HOXA3: variants seen among roughly 807,000 people sequenced by gnomAD.
HOXA3 encodes the protein homeobox protein Hox-A3.
Under a neutral mutation model 30.3 loss-of-function variants are expected in HOXA3, and 8 were observed. The ratio of observed to expected loss-of-function variants is 0.26; its 90% CI spans 0.15 to 0.48. The LOEUF (loss-of-function observed/expected upper bound fraction) is 0.48. HOXA3 is among the 20% of genes least tolerant of loss of function. The pLI, the probability that HOXA3 is intolerant of heterozygous loss-of-function variation, is 0.99. For synonymous variants in HOXA3, 323 were observed against 273.1 expected (o/e 1.18, Z -1.80); for missense variants, 653 against 614.4 (o/e 1.06, Z -0.66).
intron 4 of HOXA3, among the ~76,000 whole-genome samples, chr7:27,111,485 CGT>C (rs61655486): frequency 0.3 from 44,438 of 148,760 alleles, 7,781 homozygotes; most frequent in Middle Eastern, 0.47. Flanking sequence ...GAACACATTG[CGT>C]GTGTGTGTGT....
intron 2 of HOXA3, among the ~76,000 whole-genome samples, chr7:27,132,755 G>T (rs1265230822): frequency 6.6e-6 from 1 of 152,060 alleles, no homozygotes; most frequent in Admixed American, 6.5e-5. Flanking sequence ...ATACACATAG[G>T]TTATATAAAA....
At chr7:27,111,059 G>A (rs1196453755) in intron 4 of HOXA3, among the ~76,000 whole-genome samples, 1 of 152,124 alleles carries the variant, frequency 6.6e-6, no homozygotes, top group African/African-American at 2.4e-5. Context: ...TGATAGGCTA[G>A]AAAGGAAAAA....
intron 4 of HOXA3, 23 bp from the exon 5 acceptor site, chr7:27,110,783 G>A (rs938302915): frequency 1.2e-5 from 15 of 1,251,398 alleles, no homozygotes; most frequent in Non-Finnish European, 1.7e-5. Context: ...GAAGCGCAGC[G>A]CGGTGAGGGC....
intron 1 of HOXA3, chr7:27,141,463 AAAC>A (rs1479694668): frequency 4.9e-6 from 1 of 204,128 alleles, no homozygotes; most frequent in African/African-American, 2.4e-5. Flanking sequence ...ATGCACAGTT[AAAC>A]AACTTGAGTG....
intron 2 of HOXA3, chr7:27,129,428 A>T (rs200623719): frequency 2.5e-4 from 409 of 1,614,024 alleles, no homozygotes; most frequent in Non-Finnish European, 3.3e-4. Flanking sequence ...CGCTCAGACA[A>T]ACAGAGCGTG....
chr7:27,107,849 A>G lies in HOXA3; in HGVS notation c.*66T>C. The G allele has an allele frequency of 1.8e-6, 2 of 1,126,486 alleles. No individual in the cohort carries two copies. The highest frequency in any genetic ancestry group is 2.4e-6 in the Non-Finnish European group (2 of 822,848). The allele number at this position is 1,126,486 out of a possible 1,614,324, so 69.8% of individuals were successfully genotyped here. A position where few individuals can be genotyped will look rare whatever the true frequency, so the allele number is the denominator to read the frequency against. On this transcript the variant is annotated 3_prime_UTR_variant, in exon 6 of 6. Coordinates refer to ENST00000612286, the MANE Select transcript of HOXA3 (RefSeq NM_153631.3). ...GAAGAACCTAAAAAAAAAAAAAAAAAAAAGCAACCAAAGAAAAAAGGTGGG... is the reference window on the plus strand; with the variant it reads ...GAAGAACCTAAAAAAAAAAAAAAAAGAAAGCAACCAAAGAAAAAAGGTGGG...
rs1367872865 is a variant in HOXA3 at position 27,113,014 on chromosome 7, C to T, written c.-120-2254G>A. On this transcript the variant is annotated intron_variant, in intron 4 of 5. Transcript: ENST00000612286. The surrounding 1 kb of genome is among the most constrained non-coding windows in gnomAD (Gnocchi z 4.8). The stretch of plus-strand genomic sequence containing the variant: ...TTCCTATTGTTCGAGGTCAGCAGAC[C>T]ACCACCTTGGAGCTCATACATCCCC... Among the ~76,000 whole-genome samples the T allele has an allele frequency of 6.6e-6, 1 of 152,122 alleles. No homozygotes were observed. The highest frequency in any genetic ancestry group is 1.5e-5 in the Non-Finnish European group (1 of 68,026).
At chr7:27,127,233 C>T (rs544069259) in intron 2 of HOXA3, among the ~76,000 whole-genome samples, 163 bp from the exon 3 acceptor site, 123 of 152,260 alleles carry the variant, frequency 8.1e-4, no homozygotes, top group African/African-American at 2.7e-3. Context: ...TCCCTGGCAC[C>T]CGTTCACACC....
chr7:27,141,954 G>C (rs1178755278), intron 1 of HOXA3: 2 of 1,614,112 alleles, frequency 1.2e-6, no homozygotes, highest in African/African-American at 1.3e-5. Flanking sequence ...GAGAGGCAAA[G>C]AGCATGTGCT....
chr7:27,119,187 A>G (rs1784890258), intron 4 of HOXA3, among the ~76,000 whole-genome samples: 1 of 141,358 alleles, frequency 7.1e-6, no homozygotes, highest in Non-Finnish European at 1.5e-5. Context: ...AAGAAAAAGA[A>G]TCAACCTTCA....
At chr7:27,123,203 T>C (rs1785124934) in intron 3 of HOXA3, 1 of 152,304 alleles carries the variant, frequency 6.6e-6, no homozygotes, top group Admixed American at 6.5e-5. Flanking sequence ...GGAGGATTTG[T>C]GTTCTGGTTT....
chr7:27,146,427 C>T (rs905086454), intron 1 of HOXA3, among the ~76,000 whole-genome samples: 1 of 152,202 alleles, frequency 6.6e-6, no homozygotes, highest in Non-Finnish European at 1.5e-5. Context: ...TTTACACATT[C>T]TCCCAAATTA....
chr7:27,145,593 C>A, intron 1 of HOXA3: 1 of 1,552,772 alleles, frequency 6.4e-7, no homozygotes, highest in Non-Finnish European at 8.7e-7. Flanking sequence ...AGTTGGGGAA[C>A]AGGCGAGGGC....
chr7:27,142,134 G>A, intron 1 of HOXA3: 1 of 1,584,772 alleles, frequency 6.3e-7, no homozygotes, highest in Non-Finnish European at 8.6e-7. Flanking sequence ...GTCTTCCAAA[G>A]TCCGCCAGGG....
rs147820248 is a variant in HOXA3 at position 27,147,348 on chromosome 7, G to T, written c.-494+4940C>A. The T allele has an allele frequency of 1.1e-5, 17 of 1,613,992 alleles. No individual in the cohort carries two copies. The highest frequency in any genetic ancestry group is 2.2e-5 in the East Asian group (1 of 44,890). On this transcript the variant is annotated intron_variant, in intron 1 of 5. Transcript: ENST00000612286. ...TCCGCTGCATCCAAGGGTAAACCGGGCTCGTGTACTTCCGGTCGGCGCCTT... is the reference window on the plus strand; with the variant it reads ...TCCGCTGCATCCAAGGGTAAACCGGTCTCGTGTACTTCCGGTCGGCGCCTT...
chr7:27,139,321 G>A (rs1172387481), intron 2 of HOXA3, among the ~76,000 whole-genome samples: 2 of 152,056 alleles, frequency 1.3e-5, no homozygotes, highest in Admixed American at 1.3e-4. Flanking sequence ...TGCGGGGGAG[G>A]GGGTCCTGAA....
chr7:27,129,980 A>T (rs1363783401), intron 2 of HOXA3: 1 of 994,020 alleles, frequency 1.0e-6, no homozygotes, highest in South Asian at 1.5e-5. Context: ...ACATACCCAC[A>T]TCTCACCGCA....
chr7:27,122,093 G>C (rs1214024361), intron 4 of HOXA3: 1 of 152,436 alleles, frequency 6.6e-6, no homozygotes, highest in Non-Finnish European at 1.5e-5. Context: ...CTGCAAGAGT[G>C]TGATACAAGT....
At chr7:27,131,604 G>A (rs1562723830) in intron 2 of HOXA3, among the ~76,000 whole-genome samples, 1 of 152,212 alleles carries the variant, frequency 6.6e-6, no homozygotes, top group Non-Finnish European at 1.5e-5. Context: ...CGATGTGAGA[G>A]CTAAATATGC....
Sources: gnomAD v4.1 joint callset for allele counts (sites outside exome capture counted in the v4.1 genomes callset) on GRCh38, gnomAD v4.1.1 for gene constraint, Gnocchi (gnomAD v3.1) non-coding constraint, MANE v1.5 for transcripts, NCBI Gene and HGNC (gene_info 2026-07-23, HGNC 2026-07-21) for gene names.